Variants in RRBP1 observed in about 807,000 individuals in gnomAD.
The protein encoded by RRBP1 is ribosome binding protein 1.
RRBP1 carries 94 observed loss-of-function variants against 165.2 expected under a neutral mutation model. That is an observed-to-expected ratio of 0.57 (90% CI 0.48 to 0.68). RRBP1 has a LOEUF of 0.68. Among genes scored for constraint, RRBP1 ranks in the 30% least tolerant of loss-of-function variants. The pLI is 0.00. For missense variants in RRBP1, 1,676 were observed against 1,763.0 expected, an observed-to-expected ratio of 0.95 and a Z score of 0.88; for synonymous variants, 680 against 714.5, an observed-to-expected ratio of 0.95 and a Z score of 0.77.
chr20:17,666,430 TAGA>T (rs555159598), intron 2 of RRBP1, among the ~76,000 whole-genome samples: 234 of 152,342 alleles, frequency 1.5e-3, no homozygotes, highest in Non-Finnish European at 2.7e-3. Flanking sequence ...TGTTGATGGT[TAGA>T]ATACCTTTTG....
At chr20:17,641,967 G>A in intron 4 of RRBP1, 48 bp from the exon 5 acceptor site, 1 of 1,587,234 alleles carries the variant, frequency 6.3e-7, no homozygotes, top group Non-Finnish European at 8.6e-7. Flanking sequence ...ATGGGACTTG[G>A]CTCATCCCCT....
intron 9 of RRBP1, among the ~76,000 whole-genome samples, chr20:17,628,370 C>T (rs995965527): frequency 7.2e-5 from 11 of 152,322 alleles, no homozygotes; most frequent in South Asian, 2.1e-4. Context: ...CCTACGAGCC[C>T]ACACCCGCCA....
chr20:17,615,117 T>C (rs1055552363), intron 23 of RRBP1, among the ~76,000 whole-genome samples: 2 of 152,222 alleles, frequency 1.3e-5, no homozygotes, highest in Admixed American at 6.5e-5. Context: ...AGCAGTTTAC[T>C]CCGCACTGTC....
At chr20:17,655,790 ATATATT>A (rs2036635130) in intron 3 of RRBP1, among the ~76,000 whole-genome samples, 1 of 152,226 alleles carries the variant, frequency 6.6e-6, no homozygotes, top group Admixed American at 6.5e-5. Context: ...AATATACATT[ATATATT>A]TATATTAACG....
chr20:17,625,687 A>G (rs888018064), intron 11 of RRBP1, 85 bp from the exon 12 acceptor site: 2 of 1,123,396 alleles, frequency 1.8e-6, no homozygotes, highest in African/African-American at 1.5e-5. Context: ...TCCAGGGAGG[A>G]GTACCTTCGA....
In RRBP1 at chr20:17,658,998, C is replaced by T. The variant is rs1303363201; in HGVS notation, c.1510G>A (p.Gly504Arg). The T allele has an allele frequency of 6.2e-7, 1 of 1,604,066 alleles. No individual in the cohort carries two copies. Among genetic ancestry groups the T allele is most frequent in the South Asian group, 1.1e-5 (1 of 90,456 alleles). ...GAQNQGKKAE[G>R]AQNQGQKGEG... The stretch of plus-strand genomic sequence containing the variant: ...CCTTTTTGGCCCTGGTTCTGGGCTC[C>T]CTCGGCCTTTTTGCCCTGGTTCTGA... Residue 504 changes from glycine (G) to arginine (R), a missense_variant, in exon 3 of 25, where the codon GGA becomes AGA. Gly to Arg is a moderately radical substitution (Grantham distance 125). This residue lies in a region of RRBP1 where 1,184 missense variants were observed against 1,167.1 expected (regional missense o/e 1.01). Coordinates refer to ENST00000377813, the MANE Select transcript of RRBP1 (RefSeq NM_001365613.2).
intron 2 of RRBP1, among the ~76,000 whole-genome samples, chr20:17,674,200 G>A (rs574440687): frequency 6.6e-6 from 1 of 152,122 alleles, no homozygotes; most frequent in Non-Finnish European, 1.5e-5. Flanking sequence ...GTTAGAAAGG[G>A]CTAGAAATCT....
At chr20:17,625,671 G>A (rs929574931) in intron 11 of RRBP1, 69 bp from the exon 12 acceptor site, 5 of 1,306,508 alleles carry the variant, frequency 3.8e-6, no homozygotes, top group Non-Finnish European at 5.5e-6. Flanking sequence ...CCCACCTGAG[G>A]CCCCATCCAG....
At position 17,629,849 on chromosome 20, in the gene RRBP1, G is replaced by A; in HGVS notation, c.2723C>T (p.Ala908Val). Residue 908 changes from alanine (A) to valine (V), a missense_variant, in exon 9 of 25, where the codon GCC (alanine) becomes GTC (valine). Ala to Val is a moderately conservative substitution (Grantham distance 64, BLOSUM62 0). Transcript: ENST00000377813. ...GGCCATCTGCTGCTGTTGCTCCTGG[G>A]CCTTCTCGGCATCCGCCCGGAGGCT... ...HASLRADAEK[A>V]QEQQQQMAEL... The A allele has an allele frequency of 6.3e-7, 1 of 1,599,354 alleles. No homozygotes were observed. The highest frequency in any genetic ancestry group is 1.1e-5 in the South Asian group (1 of 91,028).
chr20:17,614,943 G>A, intron 23 of RRBP1, 63 bp from the exon 24 acceptor site: 1 of 1,575,304 alleles, frequency 6.3e-7, no homozygotes, highest in Non-Finnish European at 8.7e-7. Flanking sequence ...CCCCAGCTAT[G>A]CCCACAGGAC....
Position 17,618,718 on chromosome 20 carries a change from A to G in RRBP1, c.3676-39T>C, listed in dbSNP as rs893441569. 3.3e-6 allele frequency: 5 copies of G among 1,506,556 alleles called. No individual in the cohort carries two copies. The African/African-American group carries it at 5.5e-5, about 17-fold the overall frequency. The allele number at this position is 1,506,556 out of a possible 1,614,324, so 93.3% of individuals were successfully genotyped here. On this transcript the variant is annotated intron_variant, in intron 19 of 24. Coordinates refer to ENST00000377813, the MANE Select transcript of RRBP1 (RefSeq NM_001365613.2). ...CAGAGGCGGGTGATGGGAAAAAAGGAGAGAAAAGGAGAAAACCAGTCCCCG... is the reference window on the plus strand; with the variant it reads ...CAGAGGCGGGTGATGGGAAAAAAGGGGAGAAAAGGAGAAAACCAGTCCCCG...
chr20:17,625,969 C>G (rs903769480), intron 11 of RRBP1, among the ~76,000 whole-genome samples: 13 of 152,166 alleles, frequency 8.5e-5, no homozygotes, highest in Non-Finnish European at 1.3e-4. Context: ...CAAATCACCC[C>G]AAGAGCGTCC....
At position 17,643,175 on chromosome 20, in the gene RRBP1, A is replaced by G; in HGVS notation, c.1913-48T>C. 1 of 1,592,100 alleles carries G rather than the reference A, an allele frequency of 6.3e-7. No individual in the cohort carries two copies. The highest frequency in any genetic ancestry group is 8.6e-7 in the Non-Finnish European group (1 of 1,168,458). On this transcript the variant is annotated intron_variant, in intron 3 of 24. Coordinates refer to ENST00000377813, the MANE Select transcript of RRBP1 (RefSeq NM_001365613.2). The surrounding 1 kb of genome is among the most constrained non-coding windows in gnomAD (Gnocchi z 4.3). The stretch of plus-strand genomic sequence containing the variant: ...CTGAGACTTAGGCCCATAAGCCACA[A>G]CACACGTGGCCACAATGCCCATCAC...
At position 17,653,003 on chromosome 20, in the gene RRBP1, A is replaced by G. The variant is rs532410738; in HGVS notation, c.1912+5593T>C. On this transcript the variant is annotated intron_variant, in intron 3 of 24. Transcript: ENST00000377813. ...GGCACCACAGCTCATGGCTAACTGA[A>G]AACCAAGAAAATCATCCGAGGGCAC... is the stretch of plus-strand genomic sequence containing the variant. Among the ~76,000 whole-genome samples the G allele has an allele frequency of 5.3e-5, 8 of 152,250 alleles. No individual in the cohort carries two copies. The South Asian group carries it at 8.3e-4, about 16-fold the overall frequency.
At chr20:17,642,313 GC>G (rs1177811939) in intron 4 of RRBP1, among the ~76,000 whole-genome samples, 2 of 152,196 alleles carry the variant, frequency 1.3e-5, no homozygotes, top group Non-Finnish European at 2.9e-5. Flanking sequence ...CCTGAGGAGA[GC>G]CAGGCCTCTC....
intron 3 of RRBP1, among the ~76,000 whole-genome samples, chr20:17,647,082 G>A (rs6034875): frequency 0.64 from 97,286 of 152,230 alleles, 32,311 homozygotes; most frequent in African/African-American, 0.83. Flanking sequence ...AAAAGGCTCC[G>A]GCTCAGCTCC....
rs375705092 is a variant in RRBP1 at position 17,673,549 on chromosome 20, C to T, written c.-22+6450G>A. ...TCAGCCTCCCAAGTAGCTGCGATTACAGGCATGTGCCACCATGTCCAGCTA... is the reference window on the plus strand; with the variant it reads ...TCAGCCTCCCAAGTAGCTGCGATTATAGGCATGTGCCACCATGTCCAGCTA... On this transcript the variant is annotated intron_variant, in intron 2 of 24. Transcript: ENST00000377813. Among the ~76,000 whole-genome samples, 13 of 152,332 alleles carry T rather than the reference C, an allele frequency of 8.5e-5. No homozygotes were observed. In the South Asian group the frequency reaches 2.5e-3, roughly 29 times the overall value.
intron 2 of RRBP1, among the ~76,000 whole-genome samples, chr20:17,678,987 T>C (rs2037130887): frequency 6.6e-6 from 1 of 152,200 alleles, no homozygotes; most frequent in Middle Eastern, 3.2e-3. Context: ...TCACGTTCTG[T>C]GTCCTCCCTT....
intron 6 of RRBP1, among the ~76,000 whole-genome samples, 170 bp downstream of exon 6, chr20:17,636,407 C>A (rs1318863515): frequency 6.6e-6 from 1 of 152,220 alleles, no homozygotes; most frequent in African/African-American, 2.4e-5. Flanking sequence ...CCCTGTCCAG[C>A]CAAATGCAAC....
Sources: allele counts gnomAD v4.1 joint callset (sites outside exome capture counted in the v4.1 genomes callset), GRCh38; gene constraint gnomAD v4.1.1; regional missense constraint gnomAD v4.1.1; non-coding constraint Gnocchi (gnomAD v3.1); transcripts MANE v1.5; gene names NCBI Gene and HGNC (gene_info 2026-07-23, HGNC 2026-07-21).